DENND5A: variants seen among roughly 807,000 people sequenced by gnomAD.
DENND5A encodes DENN domain-containing protein 5A.
A neutral mutation model predicts 140.3 loss-of-function variants in DENND5A; 64 were observed. That is an observed-to-expected ratio of 0.46 (90% CI 0.37 to 0.56). The LOEUF (loss-of-function observed/expected upper bound fraction) is 0.56, where lower values mean the gene tolerates loss of function less well. Ranked by LOEUF, DENND5A falls within the 20% of genes least tolerant of loss-of-function variation. DENND5A has a pLI of 0.00. For synonymous variants in DENND5A, 605 were observed against 607.7 expected, an observed-to-expected ratio of 1.00 and a Z score of 0.07; for missense variants, 1,292 against 1,593.8, an observed-to-expected ratio of 0.81 and a Z score of 3.22.
At chr11:9,156,870 T>TGGAAGGCAGGAAGGAA (rs1554913313) in intron 12 of DENND5A, among the ~76,000 whole-genome samples, 1 of 142,542 alleles carries the variant, frequency 7.0e-6, no homozygotes, top group Non-Finnish European at 1.5e-5. Flanking sequence ...GAAGGATGGA[T>TGGAAGGCAGGAAGGAA]GGAAGGAAGG....
chr11:9,207,464 A>C, intron 2 of DENND5A, 97 bp downstream of exon 2: 1 of 899,520 alleles, frequency 1.1e-6, no homozygotes, highest in South Asian at 1.5e-5. Context: ...AAGGCACAAG[A>C]AAGTTAGAAG....
chr11:9,189,548 C>T (rs1292807766), intron 5 of DENND5A, among the ~76,000 whole-genome samples: 5 of 152,100 alleles, frequency 3.3e-5, no homozygotes, highest in African/African-American at 1.2e-4. Context: ...AGGCTGTACC[C>T]TGCAAAGCCA....
chr11:9,245,620 T>C (rs893242214), intron 1 of DENND5A: 1 of 151,842 alleles, frequency 6.6e-6, no homozygotes, highest in African/African-American at 2.4e-5. Flanking sequence ...AGGCAGCCTC[T>C]ATTTTTAATT....
chr11:9,211,432 A>G (rs1590281533), intron 1 of DENND5A, among the ~76,000 whole-genome samples: 4 of 152,256 alleles, frequency 2.6e-5, no homozygotes, highest in Admixed American at 2.6e-4. Flanking sequence ...AACAATAATA[A>G]TAATAAAATA....
intron 11 of DENND5A, among the ~76,000 whole-genome samples, chr11:9,163,084 G>C (rs891149242): frequency 2.0e-5 from 3 of 152,020 alleles, no homozygotes; most frequent in African/African-American, 7.2e-5. Context: ...TTCCATTGTT[G>C]TATAGCATTC....
intron 4 of DENND5A, among the ~76,000 whole-genome samples, chr11:9,198,983 G>A (rs1849431450): frequency 1.5e-5 from 2 of 133,520 alleles, no homozygotes; most frequent in African/African-American, 5.4e-5. Flanking sequence ...CTTGATCCCA[G>A]GAGGCGGAGG....
chr11:9,164,394 G>A (rs1222394182), intron 11 of DENND5A, among the ~76,000 whole-genome samples: 2 of 151,448 alleles, frequency 1.3e-5, no homozygotes, highest in African/African-American at 4.9e-5. Flanking sequence ...GCAAGAGACA[G>A]CATATTTTAT....
chr11:9,229,524 CGGG>C (rs1475462197), intron 1 of DENND5A, among the ~76,000 whole-genome samples: 13 of 152,032 alleles, frequency 8.6e-5, no homozygotes, highest in African/African-American at 3.1e-4. Context: ...TTCCCCAAGG[CGGG>C]TCACAGATAA....
chr11:9,256,917 T>C (rs1408045095), intron 1 of DENND5A, among the ~76,000 whole-genome samples: 1 of 152,220 alleles, frequency 6.6e-6, no homozygotes, highest in East Asian at 1.9e-4. Flanking sequence ...ATTGTTTATA[T>C]ATGGACACAC....
chr11:9,215,965 C>A (rs1462429520), intron 1 of DENND5A, among the ~76,000 whole-genome samples: 2 of 152,154 alleles, frequency 1.3e-5, no homozygotes, highest in Non-Finnish European at 2.9e-5. Flanking sequence ...AAAGCTAGCC[C>A]CTCCAGAAAA....
At chr11:9,183,424 C>A (rs981135419) in intron 5 of DENND5A, among the ~76,000 whole-genome samples, 1 of 151,084 alleles carries the variant, frequency 6.6e-6, no homozygotes, top group South Asian at 2.1e-4. Context: ...TTTTAAATTT[C>A]ATACAGGTTT....
At chr11:9,220,338 A>G (rs1850260225) in intron 1 of DENND5A, among the ~76,000 whole-genome samples, 2 of 152,186 alleles carry the variant, frequency 1.3e-5, no homozygotes, top group African/African-American at 4.8e-5. Context: ...ACCTGAGGTC[A>G]GGAGTTCAAG....
In DENND5A at chr11:9,247,243, A is replaced by C. The variant is rs1260621020; in HGVS notation, c.109+17718T>G. 5.3e-5 allele frequency among the ~76,000 whole-genome samples: 8 copies of C among 151,882 alleles called. No individual in the cohort carries two copies. The East Asian group carries it at 1.5e-3, about 29-fold the overall frequency. On this transcript the variant is annotated intron_variant, in intron 1 of 22. Coordinates refer to ENST00000328194, the MANE Select transcript of DENND5A (RefSeq NM_015213.4). ...AGACTCCGTCTTAAAAAAAAAAAAA[A>C]AAAACCCTTGCCTGCAAGCCACTGG...
intron 7 of DENND5A, 150 bp downstream of exon 7, chr11:9,178,708 A>C: frequency 1.5e-6 from 1 of 673,134 alleles, no homozygotes; most frequent in Non-Finnish European, 2.5e-6. Flanking sequence ...AAGCAACAAG[A>C]CCTATTTTAT....
chr11:9,145,131 A>C lies in DENND5A; in HGVS notation c.3004-18T>G, dbSNP rs770327945. On this transcript the variant is annotated intron_variant, in intron 17 of 22. Transcript: ENST00000328194. ...TTCTGGCACTATTAGAGAATAGAGAAGATGAGGTAGGTCAGGAAAATCAGA... is the reference window on the plus strand; with the variant it reads ...TTCTGGCACTATTAGAGAATAGAGACGATGAGGTAGGTCAGGAAAATCAGA... 1 of 1,553,284 alleles carries C rather than the reference A, an allele frequency of 6.4e-7. No homozygotes were observed. Among genetic ancestry groups the C allele is most frequent in the East Asian group, 2.2e-5 (1 of 44,592 alleles).
intron 4 of DENND5A, among the ~76,000 whole-genome samples, chr11:9,202,961 A>G (rs570436992): frequency 7.9e-4 from 120 of 152,212 alleles, no homozygotes; most frequent in East Asian, 2.9e-3. Flanking sequence ...TACATATTTT[A>G]TATATTTATT....
intron 1 of DENND5A, among the ~76,000 whole-genome samples, chr11:9,217,810 A>G (rs1850153237): frequency 6.6e-6 from 1 of 152,220 alleles, no homozygotes; most frequent in Admixed American, 6.5e-5. Flanking sequence ...TTGGCATGCT[A>G]GTAAAATACA....
Position 9,207,595 on chromosome 11 carries a change from A to C in DENND5A, c.147T>G (p.Asp49Glu). ...TACTTGAAATGAAAGGGCTGGCACC[A>C]TCCCTGGCTTTAGAAGCCTGTATGT... is the stretch of plus-strand genomic sequence containing the variant. Reference protein sequence around the residue: ...CQYIQASKARDGASPFISSTT... With the variant: ...CQYIQASKAREGASPFISSTT... The change falls in exon 2 of 23, where the codon GAT becomes GAG. Residue 49 changes from aspartate (D) to glutamate (E), a missense_variant. Transcript: ENST00000328194. The C allele has an allele frequency of 6.2e-7, 1 of 1,613,586 alleles. No homozygotes were observed. The highest frequency in any genetic ancestry group is 1.7e-5 in the Admixed American group (1 of 60,012).
At position 9,151,732 on chromosome 11, in the gene DENND5A, G is replaced by C. The variant is rs144743713; in HGVS notation, c.2521+626C>G. 1.4e-4 allele frequency among the ~76,000 whole-genome samples: 22 copies of C among 152,346 alleles called. 1 individual carries two copies. The Middle Eastern group carries it at 0.014, about 94-fold the overall frequency. On this transcript the variant is annotated intron_variant, in intron 13 of 22. Coordinates refer to ENST00000328194, the MANE Select transcript of DENND5A (RefSeq NM_015213.4). Reference sequence around the variant, plus strand: ...ACACTGTAGGATGGTCTAAACATCAGAGCAGGAGATAAGATGACTGGCTCT... The same window carrying C: ...ACACTGTAGGATGGTCTAAACATCACAGCAGGAGATAAGATGACTGGCTCT...
Sources: gnomAD v4.1 joint callset for allele counts (sites outside exome capture counted in the v4.1 genomes callset) on GRCh38, gnomAD v4.1.1 for gene constraint, MANE v1.5 for transcripts, NCBI Gene and HGNC (gene_info 2026-07-23, HGNC 2026-07-21) for gene names.